The following DCC variants were observed in gnomAD, a reference collection of about 807,000 sequenced individuals.
DCC encodes DCC netrin 1 receptor.
DCC carries 58 observed loss-of-function variants against 172.5 expected under a neutral mutation model. That is an observed-to-expected ratio of 0.34 (90% confidence interval 0.27 to 0.42). The LOEUF is 0.42. Ranked by LOEUF, DCC falls within the 10% of genes least tolerant of loss-of-function variation. The pLI is 1.00. For synonymous variants in DCC, 709 were observed against 644.5 expected, an observed-to-expected ratio of 1.10 and a Z score of -1.52; for missense variants, 1,740 against 1,791.0, an observed-to-expected ratio of 0.97 and a Z score of 0.51.
At chr18:53,332,195 C>A (rs2057536101) in intron 14 of DCC, among the ~76,000 whole-genome samples, 1 of 152,152 alleles carries the variant, frequency 6.6e-6, no homozygotes, top group Non-Finnish European at 1.5e-5. Flanking sequence ...TCAAAACTCC[C>A]TTTTAAGAGT....
intron 1 of DCC, among the ~76,000 whole-genome samples, chr18:52,471,919 G>C (rs1286741558): frequency 6.6e-6 from 1 of 152,174 alleles, no homozygotes; most frequent in African/African-American, 2.4e-5. Flanking sequence ...CTGAAAAGGA[G>C]TCTCCAACAA....
At chr18:52,369,283 T>C (rs1985012937) in intron 1 of DCC, among the ~76,000 whole-genome samples, 1 of 152,112 alleles carries the variant, frequency 6.6e-6, no homozygotes, top group Non-Finnish European at 1.5e-5. Context: ...AAATGGGCTA[T>C]TCCTCCCCAC....
chr18:52,955,402 A>G (rs1203480633), intron 5 of DCC, among the ~76,000 whole-genome samples: 1 of 152,000 alleles, frequency 6.6e-6, no homozygotes, highest in Non-Finnish European at 1.5e-5. Flanking sequence ...TTGGCACCAA[A>G]TAATATTCCA....
intron 2 of DCC, among the ~76,000 whole-genome samples, chr18:52,793,433 C>T (rs1366113160): frequency 1.3e-5 from 2 of 152,210 alleles, no homozygotes; most frequent in Non-Finnish European, 2.9e-5. Context: ...TTACTGAAGA[C>T]TCCCATACCC....
chr18:52,568,125 A>C (rs75423189), intron 1 of DCC, among the ~76,000 whole-genome samples: 2,606 of 152,292 alleles, frequency 0.017, 29 homozygotes, highest in South Asian at 0.026. Context: ...CTCACTGTAT[A>C]GTTTTTCTAA....
intron 12 of DCC, among the ~76,000 whole-genome samples, chr18:53,271,933 C>A (rs539053067): frequency 2.5e-3 from 375 of 152,212 alleles, no homozygotes; most frequent in African/African-American, 8.7e-3. Flanking sequence ...GATACAGCAA[C>A]GTATTTTGTA....
rs991783983 is a variant in DCC, at chr18:53,340,057, CACACACACACACACACACAT to C, written c.2359+164_2359+183del. On this transcript the variant is annotated intron_variant, in intron 15 of 28. Transcript: ENST00000442544. The stretch of plus-strand genomic sequence containing the variant: ...AAGCAACTGTCTATCTACACACACA[CACACACACACACACACACAT>C]ACACACACACACAGGCACACATATA... The C allele has an allele frequency of 5.4e-4, 270 of 498,582 alleles. 1 individual carries two copies. Among genetic ancestry groups the C allele is most frequent in the East Asian group, 4.9e-3 (109 of 22,116 alleles). The allele number at this position is 498,582 out of a possible 1,614,324, so 30.9% of individuals were successfully genotyped here. A position where few individuals can be genotyped will look rare whatever the true frequency, so the allele number is the denominator to read the frequency against.
chr18:52,673,218 C>G (rs1339233631), intron 1 of DCC, among the ~76,000 whole-genome samples: 2 of 152,150 alleles, frequency 1.3e-5, no homozygotes, highest in Non-Finnish European at 2.9e-5. Flanking sequence ...AATTAAACTC[C>G]AGACTTTATA....
intron 1 of DCC, among the ~76,000 whole-genome samples, chr18:52,412,775 T>C (rs561249339): frequency 7.2e-5 from 11 of 152,272 alleles, no homozygotes; most frequent in African/African-American, 2.2e-4. Context: ...TGATAGACTT[T>C]GTTGACTAAA....
At chr18:52,567,961 C>G (rs1183843469) in intron 1 of DCC, among the ~76,000 whole-genome samples, 1 of 152,112 alleles carries the variant, frequency 6.6e-6, no homozygotes, top group Non-Finnish European at 1.5e-5. Context: ...AGAGCACCTA[C>G]AAAACTGATG....
At chr18:53,494,318 G>T (rs1599215736) in intron 26 of DCC, among the ~76,000 whole-genome samples, 1 of 152,098 alleles carries the variant, frequency 6.6e-6, no homozygotes, top group Middle Eastern at 3.4e-3. Flanking sequence ...GGGCTGGAGG[G>T]TTGTGTGGGT....
chr18:53,176,328 G>A (rs1190057896), intron 8 of DCC, among the ~76,000 whole-genome samples: 1 of 134,700 alleles, frequency 7.4e-6, no homozygotes, highest in South Asian at 2.7e-4. Flanking sequence ...ATTGACAAAT[G>A]GGATCTAATT....
intron 2 of DCC, among the ~76,000 whole-genome samples, chr18:52,863,313 C>A (rs2039172761): frequency 6.6e-6 from 1 of 151,740 alleles, no homozygotes; most frequent in African/African-American, 2.4e-5. Flanking sequence ...AGTGTTGACT[C>A]CCATAACCCT....
At chr18:52,833,923 C>T (rs1034088855) in intron 2 of DCC, among the ~76,000 whole-genome samples, 12 of 152,158 alleles carry the variant, frequency 7.9e-5, no homozygotes, top group African/African-American at 2.7e-4. Context: ...TTCGGCCTCC[C>T]AAAGTACTGA....
chr18:52,821,509 T>C (rs2038406759), intron 2 of DCC, among the ~76,000 whole-genome samples: 1 of 152,224 alleles, frequency 6.6e-6, no homozygotes, highest in Non-Finnish European at 1.5e-5. Flanking sequence ...GTTGACTTCA[T>C]TCCATTCTTG....
intron 2 of DCC, among the ~76,000 whole-genome samples, chr18:52,841,101 T>A (rs2038798153): frequency 6.6e-6 from 1 of 152,060 alleles, no homozygotes; most frequent in African/African-American, 2.4e-5. Context: ...CATCTGTATC[T>A]CAGAGTAGGA....
intron 25 of DCC, among the ~76,000 whole-genome samples, chr18:53,471,668 C>T (rs1301787446): frequency 2.6e-5 from 4 of 152,104 alleles, no homozygotes; most frequent in East Asian, 1.9e-4. Context: ...GGATAATAGG[C>T]ATATCTCAGT....
At chr18:52,587,088 G>A (rs983750514) in intron 1 of DCC, among the ~76,000 whole-genome samples, 3 of 152,172 alleles carry the variant, frequency 2.0e-5, no homozygotes, top group Admixed American at 2.0e-4. Context: ...ATTCCAGTGA[G>A]GACAAACCTC....
At chr18:53,423,878 G>A (rs1434662778) in intron 21 of DCC, among the ~76,000 whole-genome samples, 2 of 152,106 alleles carry the variant, frequency 1.3e-5, no homozygotes, top group African/African-American at 4.8e-5. Context: ...AAATGTTTGG[G>A]GAAGCAGCTA....
Sources: gnomAD v4.1 joint callset for allele counts (sites outside exome capture counted in the v4.1 genomes callset) on GRCh38, gnomAD v4.1.1 for gene constraint, MANE v1.5 for transcripts, NCBI Gene and HGNC (gene_info 2026-07-23, HGNC 2026-07-21) for gene names.